HEPH: variants seen among roughly 807,000 people sequenced by gnomAD.
HEPH encodes the protein hephaestin.
Under a neutral mutation model 80.8 loss-of-function variants are expected in HEPH, and 69 were observed. That is an observed-to-expected ratio of 0.85 (90% CI 0.70 to 1.04). The LOEUF (loss-of-function observed/expected upper bound fraction) is 1.04. HEPH is among the 50% of genes least tolerant of loss of function. The pLI is 0.00. For synonymous variants in HEPH, 431 were observed against 322.8 expected (o/e 1.34, Z -3.60); for missense variants, 1,115 against 891.3 (o/e 1.25, Z -3.20).
At chrX:66,222,212 A>G (rs1290821049) in intron 15 of HEPH, among the ~76,000 whole-genome samples, 1 of 112,986 alleles carries the variant, frequency 8.9e-6, no homozygotes, top group African/African-American at 3.2e-5. Context: ...TTATGTTGGG[A>G]GACGGAGGTT....
chrX:66,216,367 C>G (rs1268502927), intron 15 of HEPH, among the ~76,000 whole-genome samples: 1 of 112,072 alleles, frequency 8.9e-6, no homozygotes, highest in Non-Finnish European at 1.9e-5. Flanking sequence ...GGAGCAGGTG[C>G]TGATATCCAT....
chrX:66,229,223 T>G (rs563973127), intron 15 of HEPH, among the ~76,000 whole-genome samples: 6 of 112,137 alleles, frequency 5.4e-5, no homozygotes, highest in Middle Eastern at 4.6e-3. Flanking sequence ...GATATAGATA[T>G]ATAGATATAG....
rs931023772 is a variant in HEPH, at chrX:66,244,937, A to G, written c.2564-10098A>G. Among the ~76,000 whole-genome samples the G allele has an allele frequency of 1.9e-4, 21 of 109,685 alleles. 1 individual carries two copies. Among genetic ancestry groups the G allele is most frequent in the Non-Finnish European group, 3.0e-4 (16 of 52,709 alleles). ...GATCCTCTTAAAAATATTTTAGTAC[A>G]TAGAAAGTCATTTATACATATTATT... On this transcript the variant is annotated intron_variant, in intron 15 of 20. Transcript: ENST00000343002.
At chrX:66,252,846 C>T (rs1224790928) in intron 15 of HEPH, among the ~76,000 whole-genome samples, 2 of 111,785 alleles carry the variant, frequency 1.8e-5, no homozygotes, top group African/African-American at 6.5e-5. Flanking sequence ...CAAGACCTTT[C>T]AATGGAAAAA....
intron 4 of HEPH, among the ~76,000 whole-genome samples, chrX:66,179,165 G>C (rs2086969656): frequency 8.9e-6 from 1 of 111,825 alleles, no homozygotes; most frequent in African/African-American, 3.3e-5. Flanking sequence ...TCTACATATG[G>C]CTAGCCAGTT....
At chrX:66,212,650 G>A (rs1310939129) in intron 15 of HEPH, among the ~76,000 whole-genome samples, 1 of 111,514 alleles carries the variant, frequency 9.0e-6, no homozygotes, top group Non-Finnish European at 1.9e-5. Flanking sequence ...AATATTTTTG[G>A]ATTTTCTATT....
In HEPH at chrX:66,203,404, A is replaced by G; in HGVS notation, c.2118A>G (p.Glu706=). The G allele has an allele frequency of 8.3e-7, 1 of 1,210,385 alleles. No individual in the cohort carries two copies. Among genetic ancestry groups the G allele is most frequent in the Admixed American group, 2.2e-5 (1 of 45,918 alleles). Residue 706 remains glutamate, a synonymous_variant, in exon 13 of 21, where the codon GAA becomes GAG. Transcript: ENST00000343002. The part of the protein sequence containing the change: ...EIYCQAGSHR[E]AGMRAIYNVS... ...ATTGCCAGGCAGGCAGCCATCGAGA[A>G]GCAGGGATGAGGGCAATCTATAATG...
At chrX:66,239,407 A>G (rs1368207830) in intron 15 of HEPH, among the ~76,000 whole-genome samples, 1 of 111,707 alleles carries the variant, frequency 9.0e-6, no homozygotes, top group African/African-American at 3.3e-5. Flanking sequence ...GGAGCATGCC[A>G]TTTGTGTCAG....
intron 4 of HEPH, among the ~76,000 whole-genome samples, chrX:66,180,568 T>A (rs1226935265): frequency 9.1e-6 from 1 of 109,520 alleles, no homozygotes; most frequent in East Asian, 2.8e-4. Flanking sequence ...TAACTTTAGA[T>A]AACCTGATGG....
At chrX:66,212,477 G>A (rs1399378258) in intron 15 of HEPH, among the ~76,000 whole-genome samples, 4 of 110,955 alleles carry the variant, frequency 3.6e-5, no homozygotes, top group East Asian at 2.8e-4. Context: ...CATATCCATC[G>A]TGAGATAATT....
chrX:66,180,002 G>A (rs2087016766), intron 4 of HEPH, among the ~76,000 whole-genome samples: 1 of 111,022 alleles, frequency 9.0e-6, no homozygotes, highest in Admixed American at 9.6e-5. Context: ...TCCTGAAGCA[G>A]GAGATGGTTG....
intron 15 of HEPH, among the ~76,000 whole-genome samples, chrX:66,223,846 T>C (rs1459985268): frequency 2.7e-5 from 3 of 112,088 alleles, no homozygotes; most frequent in South Asian, 3.7e-4. Flanking sequence ...ACTTTTTTTT[T>C]CCAATAGTTT....
chrX:66,223,453 A>G (rs1090835), intron 15 of HEPH, among the ~76,000 whole-genome samples: 43,261 of 110,553 alleles, frequency 0.39, 9,627 homozygotes, highest in African/African-American at 0.86. Context: ...ATATTAGTAT[A>G]CTATTAATGT....
At chrX:66,170,861 G>C (rs2086567354) in intron 2 of HEPH, 124 bp downstream of exon 2, 3 of 544,664 alleles carry the variant, frequency 5.5e-6, no homozygotes, top group Non-Finnish European at 8.8e-6. Context: ...GCTCCGAGCT[G>C]TACATACTCA....
At position 66,227,936 on chromosome X, in the gene HEPH, A is replaced by G. The variant is rs1179157805; in HGVS notation, c.2563+19690A>G. Among the ~76,000 whole-genome samples, 3 of 111,328 alleles carry G rather than the reference A, an allele frequency of 2.7e-5. No individual in the cohort carries two copies. In the East Asian group the frequency reaches 8.4e-4, roughly 31 times the overall value. ...TTTTTTTCTAGTTCTATGAAGAATA[A>G]TGTTGGTATTTTGATGGAAATTGCA... On this transcript the variant is annotated intron_variant, in intron 15 of 20. Transcript: ENST00000343002.
At chrX:66,254,455 G>A (rs1181717446) in intron 15 of HEPH, among the ~76,000 whole-genome samples, 2 of 111,407 alleles carry the variant, frequency 1.8e-5, no homozygotes, top group African/African-American at 6.5e-5. Context: ...GGAGGGAGGT[G>A]AGTTCATACA....
intron 15 of HEPH, among the ~76,000 whole-genome samples, chrX:66,230,688 A>T (rs1376631071): frequency 9.7e-6 from 1 of 102,814 alleles, no homozygotes; most frequent in East Asian, 2.9e-4. Flanking sequence ...CCTTTGTCAG[A>T]TGAGTAGGTT....
intron 3 of HEPH, 94 bp from the exon 4 acceptor site, chrX:66,173,495 C>T: frequency 1.7e-6 from 1 of 576,251 alleles, no homozygotes; most frequent in Non-Finnish European, 2.8e-6. Flanking sequence ...TAAGACTGGA[C>T]CTAGGGTTCT....
chrX:66,199,471 C>T (rs1424846773), intron 11 of HEPH, among the ~76,000 whole-genome samples: 1 of 111,038 alleles, frequency 9.0e-6, no homozygotes, highest in Non-Finnish European at 1.9e-5. Flanking sequence ...CTCTTGATTC[C>T]CATTACTAGT....
Sources: gnomAD v4.1 joint callset for allele counts (sites outside exome capture counted in the v4.1 genomes callset) on GRCh38, gnomAD v4.1.1 for gene constraint, MANE v1.5 for transcripts, NCBI Gene and HGNC (gene_info 2026-07-23, HGNC 2026-07-21) for gene names.